DHCR7: variants seen among roughly 807,000 people sequenced by gnomAD.
The protein encoded by DHCR7 is 7-dehydrocholesterol reductase.
A neutral mutation model predicts 43.3 loss-of-function variants in DHCR7; 40 were observed. That is an observed-to-expected ratio of 0.92 (90% CI 0.72 to 1.20). DHCR7 has a LOEUF of 1.20. Among genes scored for constraint, DHCR7 ranks in the 50% most tolerant of loss-of-function variants. The probability of loss-of-function intolerance (pLI) is 0.00; values close to 1 mark genes in which losing one functional copy is unlikely to be tolerated. For synonymous variants in DHCR7, 298 were observed against 271.4 expected, an observed-to-expected ratio of 1.10 and a Z score of -0.96; for missense variants, 608 against 644.6, an observed-to-expected ratio of 0.94 and a Z score of 0.62.
At position 71,434,611 on chromosome 11, in the gene DHCR7, G is replaced by A. The variant is rs559871324; in HGVS notation, c.*764C>T. The A allele has an allele frequency of 5.7e-5, 9 of 157,464 alleles. No individual in the cohort carries two copies. The highest frequency in any genetic ancestry group is 1.9e-4 in the South Asian group (1 of 5,288). The allele number at this position is 157,464 out of a possible 1,614,324, so 9.8% of individuals were successfully genotyped here. The stretch of plus-strand genomic sequence containing the variant: ...GAGGCCCCTGAGGGTGAAGTTCCCC[G>A]GGTTGCTCGAGCCAGAGTCTGCACA... On this transcript the variant is annotated 3_prime_UTR_variant, in exon 9 of 9. Coordinates refer to ENST00000355527, the MANE Select transcript of DHCR7 (RefSeq NM_001360.3).
chr11:71,434,030 C>T (rs1949244789), downstream of DHCR7, among the ~76,000 whole-genome samples: 2 of 152,254 alleles, frequency 1.3e-5, no homozygotes, highest in South Asian at 4.1e-4. Context: ...GAGCTTGGCC[C>T]CCTGCCCTGG....
chr11:71,431,907 C>A (rs1949230042), downstream of DHCR7, among the ~76,000 whole-genome samples: 1 of 152,202 alleles, frequency 6.6e-6, no homozygotes. Flanking sequence ...ACTACAGCCT[C>A]AACCTCCCCA....
At chr11:71,438,436 C>T (rs754937153) in intron 7 of DHCR7, among the ~76,000 whole-genome samples, 2 of 152,178 alleles carry the variant, frequency 1.3e-5, no homozygotes, top group Non-Finnish European at 2.9e-5. Flanking sequence ...AGGAAGACTT[C>T]CATGAGGCCT....
At chr11:71,437,519 G>A (rs1410772029) in intron 8 of DHCR7, among the ~76,000 whole-genome samples, 1 of 152,114 alleles carries the variant, frequency 6.6e-6, no homozygotes, top group Non-Finnish European at 1.5e-5. Flanking sequence ...TAGGAGGCAG[G>A]AATGAAGAGG....
intron 2 of DHCR7, among the ~76,000 whole-genome samples, chr11:71,446,368 T>C (rs1451462121): frequency 6.6e-6 from 1 of 152,116 alleles, no homozygotes; most frequent in African/African-American, 2.4e-5. Context: ...GGACCTTACT[T>C]GGCTCAACAG....
exon 3 of DHCR7, chr11:71,428,345 T>C (rs1191869268): frequency 6.6e-6 from 1 of 152,352 alleles, no homozygotes; most frequent in Non-Finnish European, 1.5e-5. Flanking sequence ...TGAATTAGTG[T>C]CCTTTTTTCT....
At chr11:71,430,431 T>A (rs1257089879), downstream of DHCR7, among the ~76,000 whole-genome samples, 1 of 152,114 alleles carries the variant, frequency 6.6e-6, no homozygotes, top group Admixed American at 6.5e-5. Flanking sequence ...AGCACCCAGG[T>A]GAGGGTGCCT....
chr11:71,433,735 G>A (rs918215000), downstream of DHCR7, among the ~76,000 whole-genome samples: 5 of 152,298 alleles, frequency 3.3e-5, no homozygotes, highest in South Asian at 2.1e-4. Context: ...CTGAATTTAC[G>A]CAATGTCTGG....
chr11:71,429,516 G>A (rs891076087), downstream of DHCR7, among the ~76,000 whole-genome samples: 1 of 152,178 alleles, frequency 6.6e-6, no homozygotes, highest in African/African-American at 2.4e-5. Flanking sequence ...GACATTTCAT[G>A]GGCACAGCCA....
At chr11:71,446,704 G>T (rs932763523) in intron 2 of DHCR7, among the ~76,000 whole-genome samples, 2 of 152,236 alleles carry the variant, frequency 1.3e-5, no homozygotes, top group African/African-American at 4.8e-5. Flanking sequence ...TCCTTATGCA[G>T]TGTGAGAACT....
rs77800697 is a variant in DHCR7 at position 71,440,001 on chromosome 11, C to T, written c.627-918G>A. The stretch of plus-strand genomic sequence containing the variant: ...CCTACAACTGTCCACAAGAGAACCC[C>T]CCAAACATTGGTTTATGATGGATGG... On this transcript the variant is annotated intron_variant, in intron 6 of 8. Transcript: ENST00000355527. 9.0e-3 allele frequency among the ~76,000 whole-genome samples: 1,370 copies of T among 152,208 alleles called. 21 individuals carry two copies. The highest frequency in any genetic ancestry group is 0.031 in the African/African-American group (1,303 of 41,506).
chr11:71,442,229 G>A (rs1340629470), intron 5 of DHCR7, 34 bp downstream of exon 5: 5 of 1,510,238 alleles, frequency 3.3e-6, no homozygotes, highest in African/African-American at 1.4e-5. Context: ...GGATGAGAAC[G>A]GGAGCCTGGG....
At chr11:71,432,713 T>A (rs576150751), downstream of DHCR7, among the ~76,000 whole-genome samples, 1 of 152,276 alleles carries the variant, frequency 6.6e-6, no homozygotes, top group Non-Finnish European at 1.5e-5. Flanking sequence ...TTGCCTCTCC[T>A]CCTTAGGTTT....
At position 71,435,906 on chromosome 11, in the gene DHCR7, G is replaced by A. The variant is rs1792268; in HGVS notation, c.964-67C>T. 1,274,181 of 1,401,478 alleles carry A rather than the reference G, an allele frequency of 0.91. 586,666 individuals carry two copies. Among genetic ancestry groups the A allele is most frequent in the Non-Finnish European group, 0.96 (978,196 of 1,019,592 alleles). 86.8% of individuals were successfully genotyped at this position (1,401,478 alleles called of 1,614,324 possible). A position where few individuals can be genotyped will look rare whatever the true frequency, so the allele number is the denominator to read the frequency against. On this transcript the variant is annotated intron_variant, in intron 8 of 8. Coordinates refer to ENST00000355527, the MANE Select transcript of DHCR7 (RefSeq NM_001360.3). ...GGGAGAGGACAGGAGTGTGGGCTCG[G>A]GGGCCCAGCGGCCTGGGGTCAAACC...
chr11:71,436,092 C>T, intron 8 of DHCR7: 1 of 499,184 alleles, frequency 2.0e-6, no homozygotes, highest in East Asian at 3.2e-5. Flanking sequence ...ATATATATGA[C>T]ATATAGCATA....
Position 71,435,014 on chromosome 11 carries a change from G to A in DHCR7, c.*361C>T. The A allele has an allele frequency of 1.0e-5, 5 of 479,312 alleles. No homozygotes were observed. Among genetic ancestry groups the A allele is most frequent in the South Asian group, 8.1e-5 (5 of 61,352 alleles). 29.7% of individuals were successfully genotyped at this position (479,312 alleles called of 1,614,324 possible). ...AATGCAGCCTAATGACAGGGCGTGG[G>A]AAGACCTCCTGCTCACCAGTGTGGG... On this transcript the variant is annotated 3_prime_UTR_variant, in exon 9 of 9. Coordinates refer to ENST00000355527, the MANE Select transcript of DHCR7 (RefSeq NM_001360.3).
Position 71,435,214 on chromosome 11 carries a change from G to A in DHCR7, c.*161C>T, listed in dbSNP as rs200229535. 4.9e-6 allele frequency: 2 copies of A among 411,072 alleles called. No homozygotes were observed. The highest frequency in any genetic ancestry group is 7.4e-6 in the Non-Finnish European group (2 of 269,278). The allele number at this position is 411,072 out of a possible 1,614,324, so 25.5% of individuals were successfully genotyped here. On this transcript the variant is annotated 3_prime_UTR_variant, in exon 9 of 9. Coordinates refer to ENST00000355527, the MANE Select transcript of DHCR7 (RefSeq NM_001360.3). ...CCCTTGAAGGCAAAAGCAAGGAACA[G>A]AGCGTGATTAGGTACTGGACACCTG...
chr11:71,436,747 T>C (rs1034910535), intron 8 of DHCR7, among the ~76,000 whole-genome samples: 6 of 152,246 alleles, frequency 3.9e-5, no homozygotes, highest in African/African-American at 1.4e-4. Context: ...ATCTTGGACT[T>C]GTCACTCTTC....
chr11:71,434,333 C>T (rs1161631698), downstream of DHCR7: 3 of 152,332 alleles, frequency 2.0e-5, no homozygotes, highest in Non-Finnish European at 4.4e-5. Context: ...GAAACAGAGC[C>T]CACGTATACC....
Sources: allele counts gnomAD v4.1 joint callset (sites outside exome capture counted in the v4.1 genomes callset), GRCh38; gene constraint gnomAD v4.1.1; transcripts MANE v1.5; gene names NCBI Gene and HGNC (gene_info 2026-07-23, HGNC 2026-07-21).